Variants in EXT1 observed in about 807,000 individuals in gnomAD.
The protein encoded by EXT1 is exostosin glycosyltransferase 1, also known as exostosin-1.
EXT1 carries 20 observed loss-of-function variants against 82.5 expected under a neutral mutation model. That is an observed-to-expected ratio of 0.24 (90% confidence interval 0.17 to 0.35). The LOEUF is 0.35. Among genes scored for constraint, EXT1 ranks in the 10% least tolerant of loss-of-function variants. EXT1 has a pLI of 1.00. For synonymous variants in EXT1, 348 were observed against 350.8 expected, an observed-to-expected ratio of 0.99 and a Z score of 0.09; for missense variants, 757 against 936.5, an observed-to-expected ratio of 0.81 and a Z score of 2.50.
chr8:117,947,245 G>A (rs1249780833), intron 1 of EXT1, among the ~76,000 whole-genome samples: 3 of 152,144 alleles, frequency 2.0e-5, no homozygotes, highest in Non-Finnish European at 4.4e-5. Flanking sequence ...ATGGCCAAAC[G>A]ATTTAGCAGT....
intron 1 of EXT1, among the ~76,000 whole-genome samples, chr8:117,936,901 C>T (rs866905691): frequency 2.5e-4 from 38 of 152,032 alleles, no homozygotes; most frequent in African/African-American, 6.3e-4. Flanking sequence ...AACAAACAAA[C>T]AAATAAATAA....
At position 117,855,148 on chromosome 8, in the gene EXT1, T is replaced by C. The variant is rs373272569; in HGVS notation, c.963-17947A>G. On this transcript the variant is annotated intron_variant, in intron 1 of 10. Transcript: ENST00000378204. ...CTGCTTTGATAGGATGCTAAGCACA[T>C]GTAAAGTTGTCGGAAATCATCTCAA... 7.6e-4 allele frequency among the ~76,000 whole-genome samples: 116 copies of C among 152,374 alleles called. 1 individual carries two copies. The highest frequency in any genetic ancestry group is 2.7e-3 in the African/African-American group (112 of 41,596).
At chr8:118,109,907 ACT>A (rs1432586986) in intron 1 of EXT1, among the ~76,000 whole-genome samples, 176 bp downstream of exon 1, 1 of 151,986 alleles carries the variant, frequency 6.6e-6, no homozygotes, top group African/African-American at 2.4e-5. Flanking sequence ...AGGAGCTCCA[ACT>A]CTCTGTCCCC....
intron 10 of EXT1, among the ~76,000 whole-genome samples, chr8:117,803,422 C>T (rs181478459): frequency 2.0e-5 from 3 of 152,214 alleles, no homozygotes; most frequent in Admixed American, 6.5e-5. Context: ...GTCTCAAACT[C>T]CTGGCCTCAA....
At chr8:117,877,364 C>G (rs1812989009) in intron 1 of EXT1, among the ~76,000 whole-genome samples, 1 of 152,146 alleles carries the variant, frequency 6.6e-6, no homozygotes, top group Non-Finnish European at 1.5e-5. Context: ...GAAACCTTCA[C>G]AGGGAGTGGA....
At chr8:117,949,729 G>C (rs537942961) in intron 1 of EXT1, among the ~76,000 whole-genome samples, 1 of 151,934 alleles carries the variant, frequency 6.6e-6, no homozygotes, top group African/African-American at 2.4e-5. Flanking sequence ...GATTTCAAAG[G>C]GATATTTAGA....
chr8:117,911,629 T>A (rs1298761841), intron 1 of EXT1, among the ~76,000 whole-genome samples: 1 of 152,150 alleles, frequency 6.6e-6, no homozygotes, highest in East Asian at 1.9e-4. Flanking sequence ...GGACCTAAAT[T>A]TCACATTTCT....
chr8:118,090,471 T>C (rs1217748213), intron 1 of EXT1, among the ~76,000 whole-genome samples: 1 of 151,252 alleles, frequency 6.6e-6, no homozygotes, highest in East Asian at 2.0e-4. Flanking sequence ...CTGAAGCCAC[T>C]CTGTAGAAAA....
At chr8:118,062,018 TAGAG>T (rs1323065153) in intron 1 of EXT1, among the ~76,000 whole-genome samples, 1 of 151,986 alleles carries the variant, frequency 6.6e-6, no homozygotes, top group Non-Finnish European at 1.5e-5. Context: ...ACAGGAAACT[TAGAG>T]AGAGAAAATG....
chr8:117,821,133 T>G (rs1811918242), intron 5 of EXT1, among the ~76,000 whole-genome samples: 1 of 152,204 alleles, frequency 6.6e-6, no homozygotes, highest in Non-Finnish European at 1.5e-5. Context: ...GACATTCAAG[T>G]TACGCTTTGA....
chr8:118,002,883 G>C (rs1364631352), intron 1 of EXT1, among the ~76,000 whole-genome samples: 2 of 152,032 alleles, frequency 1.3e-5, no homozygotes, highest in African/African-American at 4.8e-5. Context: ...CCCACTCCTA[G>C]TATCTACCCA....
intron 1 of EXT1, among the ~76,000 whole-genome samples, chr8:117,952,591 G>A (rs1325424554): frequency 2.0e-5 from 3 of 152,092 alleles, no homozygotes; most frequent in Non-Finnish European, 2.9e-5. Flanking sequence ...ATGAAATCCC[G>A]TCTCTACTAA....
intron 1 of EXT1, among the ~76,000 whole-genome samples, chr8:118,024,530 G>GA (rs11293136): frequency 2.1e-3 from 313 of 147,348 alleles, no homozygotes; most frequent in Middle Eastern, 6.9e-3. Context: ...TTAAAAAAAA[G>GA]AAAAAAAAAA....
intron 7 of EXT1, among the ~76,000 whole-genome samples, chr8:117,817,411 T>G (rs1014510658): frequency 6.6e-6 from 1 of 152,110 alleles, no homozygotes; most frequent in Non-Finnish European, 1.5e-5. Context: ...CCTGACCCCT[T>G]GGGGACTGAC....
intron 1 of EXT1, among the ~76,000 whole-genome samples, chr8:118,038,050 TCCTGACCACAGGTGATTCA>T (rs1816458636): frequency 6.6e-6 from 1 of 152,102 alleles, no homozygotes; most frequent in African/African-American, 2.4e-5. Flanking sequence ...AGTCTCGAAC[TCCTGACCACAGGTGATTCA>T]CCTGCCTCGG....
intron 1 of EXT1, among the ~76,000 whole-genome samples, chr8:117,933,677 A>T (rs1814104914): frequency 6.6e-6 from 1 of 152,176 alleles, no homozygotes; most frequent in Non-Finnish European, 1.5e-5. Context: ...CCATGCACCT[A>T]GGCAAGTCTG....
chr8:117,973,730 T>G (rs1224513001), intron 1 of EXT1, among the ~76,000 whole-genome samples: 1 of 149,594 alleles, frequency 6.7e-6, no homozygotes, highest in Non-Finnish European at 1.5e-5. Context: ...ATCACGCCAC[T>G]GCACTCCAGC....
chr8:118,031,524 CA>C lies in EXT1; in HGVS notation c.962+78560del, dbSNP rs543531175. ...GGGGTGACAGAGTGAGGTTCCATCT[CA>C]AAAAAAAAAAAATTCAAATATTTTT... On this transcript the variant is annotated intron_variant, in intron 1 of 10. Coordinates refer to ENST00000378204, the MANE Select transcript of EXT1 (RefSeq NM_000127.3). Among the ~76,000 whole-genome samples the C allele has an allele frequency of 6.0e-4, 77 of 128,594 alleles. 1 individual carries two copies. The highest frequency in any genetic ancestry group is 4.3e-3 in the Middle Eastern group (1 of 234). The allele number at this position is 128,594 out of a possible 152,430, so 84.4% of individuals were successfully genotyped here. A position where few individuals can be genotyped will look rare whatever the true frequency, so the allele number is the denominator to read the frequency against.
chr8:117,858,150 T>C (rs768233545), intron 1 of EXT1, among the ~76,000 whole-genome samples: 3 of 152,230 alleles, frequency 2.0e-5, no homozygotes, highest in Non-Finnish European at 4.4e-5. Flanking sequence ...GCTTTGAACA[T>C]TGTTGGAATG....
Sources: allele counts gnomAD v4.1 joint callset (sites outside exome capture counted in the v4.1 genomes callset), GRCh38; gene constraint gnomAD v4.1.1; transcripts MANE v1.5; gene names NCBI Gene and HGNC (gene_info 2026-07-23, HGNC 2026-07-21).